The following AEBP2 variants were observed in gnomAD, a reference collection of about 807,000 sequenced individuals.
The protein encoded by AEBP2 is AE binding protein 2.
Under a neutral mutation model 50.8 loss-of-function variants are expected in AEBP2, and 10 were observed. That is an observed-to-expected ratio of 0.20 (90% CI 0.12 to 0.33). The LOEUF is 0.33. Among genes scored for constraint, AEBP2 ranks in the 10% least tolerant of loss-of-function variants. The pLI, the probability that AEBP2 is intolerant of heterozygous loss-of-function variation, is 1.00. For missense variants in AEBP2, 570 were observed against 688.0 expected, an observed-to-expected ratio of 0.83 and a Z score of 1.92; for synonymous variants, 296 against 261.3, an observed-to-expected ratio of 1.13 and a Z score of -1.28.
At chr12:19,489,010 A>G (rs1948857517) in intron 3 of AEBP2, among the ~76,000 whole-genome samples, 1 of 152,062 alleles carries the variant, frequency 6.6e-6, no homozygotes, top group African/African-American at 2.4e-5. Flanking sequence ...GCTGGTCTCA[A>G]ACTCCTGACC....
At chr12:19,410,370 T>A (rs777568836) in intron 1 of AEBP2, among the ~76,000 whole-genome samples, 11 of 152,168 alleles carry the variant, frequency 7.2e-5, no homozygotes, top group Non-Finnish European at 1.5e-4. Context: ...TCCTGCCACT[T>A]CATTACATCA....
Position 19,500,100 on chromosome 12 carries a change from G to A in AEBP2, c.1178G>A (p.Arg393Gln), listed in dbSNP as rs1476887855. The change falls in exon 5 of 8, where the codon CGG (arginine) becomes CAG (glutamine). Residue 393 changes from arginine (R) to glutamine (Q), a missense_variant. Physicochemically the swap from Arg to Gln is conservative, Grantham distance 43. Transcript: ENST00000266508. ...TACTTTTTATGTTGACTTTTAGCAC[G>A]GCCACATGATTTCTTCGATGCACAA... Reference protein sequence around the residue: ...LKNKRRRSLPRPHDFFDAQTL... With the variant: ...LKNKRRRSLPQPHDFFDAQTL... 1.9e-6 allele frequency: 3 copies of A among 1,603,608 alleles called. No individual in the cohort carries two copies. Among genetic ancestry groups the A allele is most frequent in the Non-Finnish European group, 2.6e-6 (3 of 1,175,452 alleles).
intron 1 of AEBP2, among the ~76,000 whole-genome samples, chr12:19,431,869 A>G (rs2095751610): frequency 6.6e-6 from 1 of 152,224 alleles, no homozygotes; most frequent in African/African-American, 2.4e-5. Flanking sequence ...CACCATGGCA[A>G]TATCAACACA....
chr12:19,435,753 T>C (rs2095753892), upstream of AEBP2, among the ~76,000 whole-genome samples: 1 of 152,206 alleles, frequency 6.6e-6, no homozygotes. Flanking sequence ...TTATTGTATG[T>C]CTTACTATAC....
At chr12:19,454,080 C>T (rs950677681) in intron 1 of AEBP2, among the ~76,000 whole-genome samples, 3 of 151,966 alleles carry the variant, frequency 2.0e-5, no homozygotes, top group East Asian at 3.9e-4. Context: ...AAAATGGAGA[C>T]GGGGTCTCGC....
At chr12:19,508,892 C>T in intron 5 of AEBP2, 2 of 276,500 alleles carry the variant, frequency 7.2e-6, no homozygotes, top group East Asian at 7.5e-5. Flanking sequence ...ACGTTGTCTG[C>T]AGGCACTCAG....
chr12:19,456,935 A>T, intron 1 of AEBP2: 1 of 1,465,354 alleles, frequency 6.8e-7, no homozygotes, highest in East Asian at 2.3e-5. Context: ...GGTAGGATGT[A>T]GTCCAGAGCC....
intron 3 of AEBP2, among the ~76,000 whole-genome samples, chr12:19,475,259 A>G (rs1948631085): frequency 6.7e-6 from 1 of 148,358 alleles, no homozygotes; most frequent in African/African-American, 2.5e-5. Flanking sequence ...CCCAAAGTCT[A>G]TTATATCATT....
chr12:19,514,103 G>A (rs997076097), intron 6 of AEBP2, among the ~76,000 whole-genome samples: 2 of 151,822 alleles, frequency 1.3e-5, no homozygotes, highest in Non-Finnish European at 2.9e-5. Context: ...GGGTTCAAGC[G>A]ATTCTTGTGC....
intron 5 of AEBP2, among the ~76,000 whole-genome samples, chr12:19,501,337 A>G (rs1482492806): frequency 6.6e-6 from 1 of 151,896 alleles, no homozygotes; most frequent in African/African-American, 2.4e-5. Flanking sequence ...ATCTCAAAAA[A>G]AAAAAAAAAA....
At chr12:19,485,527 C>T (rs755379889) in intron 3 of AEBP2, among the ~76,000 whole-genome samples, 7 of 151,538 alleles carry the variant, frequency 4.6e-5, no homozygotes, top group Non-Finnish European at 7.4e-5. Context: ...GGCAACATGA[C>T]GAAACCCTGT....
intron 1 of AEBP2, among the ~76,000 whole-genome samples, chr12:19,415,206 T>TG (rs1216058653): frequency 6.8e-6 from 1 of 146,726 alleles, no homozygotes; most frequent in Non-Finnish European, 1.5e-5. Context: ...CCTAGCTACT[T>TG]GGGGGGCTGA....
At chr12:19,423,840 C>T (rs568915826) in intron 1 of AEBP2, among the ~76,000 whole-genome samples, 1 of 151,732 alleles carries the variant, frequency 6.6e-6, no homozygotes, top group East Asian at 1.9e-4. Flanking sequence ...GATTCTGTCT[C>T]AAAAACAAAT....
intron 1 of AEBP2, among the ~76,000 whole-genome samples, chr12:19,434,039 G>T (rs2095752975): frequency 6.6e-6 from 1 of 151,724 alleles, no homozygotes; most frequent in Admixed American, 6.6e-5. Context: ...TAGGGACGAG[G>T]TTTTACCATG....
At chr12:19,444,215 A>G (rs1384793935) in intron 1 of AEBP2, among the ~76,000 whole-genome samples, 1 of 152,256 alleles carries the variant, frequency 6.6e-6, no homozygotes, top group African/African-American at 2.4e-5. Flanking sequence ...AGTATCATGT[A>G]AAAATAGTTT....
intron 4 of AEBP2, among the ~76,000 whole-genome samples, chr12:19,498,365 G>T (rs1009544973): frequency 4.6e-5 from 7 of 151,956 alleles, no homozygotes; most frequent in Non-Finnish European, 8.8e-5. Flanking sequence ...TAGTCTTTTG[G>T]CTTCTGCTCG....
intron 7 of AEBP2, 128 bp downstream of exon 7, chr12:19,514,912 CTT>C (rs34967305): frequency 4.3e-3 from 2,323 of 538,952 alleles, no homozygotes; most frequent in South Asian, 7.1e-3. Flanking sequence ...TACTTCCTGG[CTT>C]TTTTTTTTTT....
intron 1 of AEBP2, among the ~76,000 whole-genome samples, chr12:19,412,050 A>G (rs758116565): frequency 6.6e-6 from 1 of 152,254 alleles, no homozygotes; most frequent in Non-Finnish European, 1.5e-5. Context: ...CTACAAGGGC[A>G]CTGGTGGAGA....
rs74261534 is a variant in AEBP2, at chr12:19,439,666, G to GGGAGGA, written c.-17_-12dup. 14,188 of 1,475,204 alleles carry GGGAGGA rather than the reference G, an allele frequency of 9.6e-3. 51 individuals carry two copies. Among genetic ancestry groups the GGGAGGA allele is most frequent in the Non-Finnish European group, 0.011 (12,335 of 1,110,752 alleles). The allele number at this position is 1,475,204 out of a possible 1,614,324, so 91.4% of individuals were successfully genotyped here. On this transcript the variant is annotated 5_prime_UTR_variant, in exon 1 of 8. Transcript: ENST00000266508. ...GAGTCGAGAGAGGGAGGCGGCGGTGGGGAGGAGGAGGAGGAGGAGGAGCAG... is the reference window on the plus strand; with the variant it reads ...GAGTCGAGAGAGGGAGGCGGCGGTGGGGAGGAGGAGGAGGAGGAGGAGGAGGAGCAG...
Sources: allele counts gnomAD v4.1 joint callset (sites outside exome capture counted in the v4.1 genomes callset), GRCh38; gene constraint gnomAD v4.1.1; transcripts MANE v1.5; gene names NCBI Gene and HGNC (gene_info 2026-07-23, HGNC 2026-07-21).